The following MAGI2 variants were observed in gnomAD, a reference collection of about 807,000 sequenced individuals.
The protein encoded by MAGI2 is membrane-associated guanylate kinase, WW and PDZ domain-containing protein 2.
Under a neutral mutation model 133.3 loss-of-function variants are expected in MAGI2, and 35 were observed. The observed-to-expected ratio is 0.26, with a 90% confidence interval of 0.20 to 0.35. MAGI2 has a LOEUF of 0.35. MAGI2 is among the 10% of genes least tolerant of loss of function. MAGI2 has a pLI of 1.00. For missense variants in MAGI2, 1,636 were observed against 1,863.4 expected, an observed-to-expected ratio of 0.88 and a Z score of 2.25; for synonymous variants, 729 against 710.6, an observed-to-expected ratio of 1.03 and a Z score of -0.41.
chr7:78,066,829 G>A (rs969794404), intron 21 of MAGI2, among the ~76,000 whole-genome samples: 1 of 152,212 alleles, frequency 6.6e-6, no homozygotes, highest in Non-Finnish European at 1.5e-5. Flanking sequence ...GTGATCAGAA[G>A]AACTTAATCC....
chr7:78,626,653 G>A (rs955427967), intron 3 of MAGI2, among the ~76,000 whole-genome samples: 13 of 152,092 alleles, frequency 8.5e-5, no homozygotes, highest in South Asian at 8.3e-4. Context: ...CCATAATTTC[G>A]TGTAGGAGGA....
At chr7:79,349,604 G>A (rs1184615527) in intron 1 of MAGI2, among the ~76,000 whole-genome samples, 1 of 151,898 alleles carries the variant, frequency 6.6e-6, no homozygotes, top group African/African-American at 2.4e-5. Flanking sequence ...ATTTGGTCAA[G>A]GTCCCATGGC....
chr7:79,049,458 T>A (rs1367627930), intron 1 of MAGI2, among the ~76,000 whole-genome samples: 1 of 152,154 alleles, frequency 6.6e-6, no homozygotes, highest in Non-Finnish European at 1.5e-5. Flanking sequence ...GCTGAGAAGT[T>A]ATACACAGGC....
chr7:78,823,306 G>C (rs183638741), intron 2 of MAGI2, among the ~76,000 whole-genome samples: 1 of 151,842 alleles, frequency 6.6e-6, no homozygotes, highest in Non-Finnish European at 1.5e-5. Flanking sequence ...ACTGTCGGCC[G>C]GGCGCGGTGG....
At chr7:78,647,265 T>C (rs1810995808) in intron 2 of MAGI2, among the ~76,000 whole-genome samples, 2 of 152,084 alleles carry the variant, frequency 1.3e-5, no homozygotes, top group Non-Finnish European at 2.9e-5. Flanking sequence ...AAAGGGCTAA[T>C]ATCCAGAATC....
At chr7:78,783,672 A>G (rs1361163373) in intron 2 of MAGI2, among the ~76,000 whole-genome samples, 2 of 152,180 alleles carry the variant, frequency 1.3e-5, no homozygotes, top group African/African-American at 2.4e-5. Flanking sequence ...CAAGGTGTCA[A>G]TTTCTGGCTC....
chr7:78,094,698 A>G (rs893172265), intron 20 of MAGI2, among the ~76,000 whole-genome samples: 1 of 152,200 alleles, frequency 6.6e-6, no homozygotes, highest in African/African-American at 2.4e-5. Context: ...ACTGAGAGAC[A>G]ATGTGCAATT....
chr7:78,530,788 C>T (rs886881302), intron 3 of MAGI2, among the ~76,000 whole-genome samples: 1 of 151,670 alleles, frequency 6.6e-6, no homozygotes, highest in African/African-American at 2.4e-5. Context: ...TCCTTTCAGT[C>T]TTGCCAAGTG....
At chr7:79,015,214 G>C (rs1400462197) in intron 1 of MAGI2, among the ~76,000 whole-genome samples, 1 of 151,998 alleles carries the variant, frequency 6.6e-6, no homozygotes, top group Non-Finnish European at 1.5e-5. Flanking sequence ...CAGAACTTTG[G>C]GAGGCTGAGG....
intron 1 of MAGI2, among the ~76,000 whole-genome samples, chr7:79,238,288 T>C (rs1449388725): frequency 1.3e-5 from 2 of 152,168 alleles, no homozygotes; most frequent in East Asian, 1.9e-4. Flanking sequence ...TTATACTCTA[T>C]TTCCTTCATC....
At chr7:78,540,364 A>G (rs2150666372) in intron 3 of MAGI2, among the ~76,000 whole-genome samples, 1 of 152,248 alleles carries the variant, frequency 6.6e-6, no homozygotes, top group South Asian at 2.1e-4. Context: ...AAGTGGGAGA[A>G]AGCTGGCATT....
At chr7:78,533,272 A>T (rs1797615813) in intron 3 of MAGI2, among the ~76,000 whole-genome samples, 1 of 152,222 alleles carries the variant, frequency 6.6e-6, no homozygotes, top group Non-Finnish European at 1.5e-5. Flanking sequence ...CACAAATAAG[A>T]GTTTACTTAG....
chr7:79,196,342 C>T (rs1828081410), intron 1 of MAGI2, among the ~76,000 whole-genome samples: 2 of 151,948 alleles, frequency 1.3e-5, no homozygotes, highest in Non-Finnish European at 2.9e-5. Context: ...CATGTACCCA[C>T]TTTTTGAAAA....
Position 78,395,439 on chromosome 7 carries a change from C to T in MAGI2, c.1046-26226G>A, listed in dbSNP as rs114780711. ...TTCCTTCAGCTTTTGGTTTCTTTAC[C>T]AGAATTCCTTTGTCTTCATCATCCA... On this transcript the variant is annotated intron_variant, in intron 6 of 21. Transcript: ENST00000354212. Among the ~76,000 whole-genome samples, 574 of 152,248 alleles carry T rather than the reference C, an allele frequency of 3.8e-3. 3 individuals are homozygous for T. Among genetic ancestry groups the T allele is most frequent in the African/African-American group, 0.013 (544 of 41,566 alleles).
chr7:79,389,833 C>T (rs1844467583), intron 1 of MAGI2, among the ~76,000 whole-genome samples: 1 of 151,956 alleles, frequency 6.6e-6, no homozygotes, highest in African/African-American at 2.4e-5. Flanking sequence ...TTTGGGTTTC[C>T]TGAGTCTAGA....
At chr7:78,064,349 T>TGTGTGTGTGTGTAG (rs1282218732) in intron 21 of MAGI2, among the ~76,000 whole-genome samples, 1 of 152,070 alleles carries the variant, frequency 6.6e-6, no homozygotes, top group Non-Finnish European at 1.5e-5. Context: ...TGTGTGTGTG[T>TGTGTGTGTGTGTAG]GTGTGTGTAT....
chr7:78,241,588 G>C (rs772750755), intron 10 of MAGI2, among the ~76,000 whole-genome samples: 2 of 152,124 alleles, frequency 1.3e-5, no homozygotes, highest in Non-Finnish European at 2.9e-5. Context: ...CCAGTGGCTT[G>C]AGTATACCTC....
intron 14 of MAGI2, among the ~76,000 whole-genome samples, chr7:78,172,255 C>T (rs1437136294): frequency 6.6e-6 from 1 of 152,172 alleles, no homozygotes; most frequent in Non-Finnish European, 1.5e-5. Context: ...CTGCACTGCC[C>T]GATGTTAGCC....
intron 21 of MAGI2, among the ~76,000 whole-genome samples, chr7:78,055,023 C>T (rs964487428): frequency 2.6e-5 from 4 of 152,150 alleles, no homozygotes; most frequent in Non-Finnish European, 5.9e-5. Context: ...CTGCCTTGGC[C>T]TCCCAAAGTG....
Sources: allele counts gnomAD v4.1 joint callset (sites outside exome capture counted in the v4.1 genomes callset), GRCh38; gene constraint gnomAD v4.1.1; transcripts MANE v1.5; gene names NCBI Gene and HGNC (gene_info 2026-07-23, HGNC 2026-07-21).